Variants in KIAA1217 observed in about 807,000 individuals in gnomAD.
KIAA1217 encodes sickle tail protein homolog.
Under a neutral mutation model 163.9 loss-of-function variants are expected in KIAA1217, and 88 were observed. That is an observed-to-expected ratio of 0.54 (90% CI 0.45 to 0.64). The LOEUF is 0.64. Ranked by LOEUF, KIAA1217 falls within the 30% of genes least tolerant of loss-of-function variation. The pLI is 0.00. For synonymous variants in KIAA1217, 903 were observed against 923.1 expected (o/e 0.98, Z 0.39); for missense variants, 2,372 against 2,475.0 (o/e 0.96, Z 0.88).
At chr10:24,299,546 G>C (rs1340055544) in intron 2 of KIAA1217, among the ~76,000 whole-genome samples, 1 of 152,064 alleles carries the variant, frequency 6.6e-6, no homozygotes, top group Non-Finnish European at 1.5e-5. Context: ...CCATAGGTGT[G>C]CACCACCACG....
chr10:24,178,364 C>T (rs1213623768), intron 2 of KIAA1217, among the ~76,000 whole-genome samples: 2 of 152,248 alleles, frequency 1.3e-5, no homozygotes, highest in Non-Finnish European at 2.9e-5. Flanking sequence ...ATCCCCATTT[C>T]ATGGATGAAG....
chr10:23,919,065 A>G (rs2131286873), intron 1 of KIAA1217, among the ~76,000 whole-genome samples: 1 of 152,242 alleles, frequency 6.6e-6, no homozygotes, highest in South Asian at 2.1e-4. Context: ...GTTGAAAGAA[A>G]TGGAAATGAC....
intron 1 of KIAA1217, among the ~76,000 whole-genome samples, chr10:23,720,638 A>G (rs1272892248): frequency 6.6e-6 from 1 of 152,140 alleles, no homozygotes; most frequent in Non-Finnish European, 1.5e-5. Flanking sequence ...GAATCCAACA[A>G]TTGGTTACTT....
intron 2 of KIAA1217, among the ~76,000 whole-genome samples, chr10:24,101,737 G>A (rs2062425108): frequency 6.6e-6 from 1 of 152,090 alleles, no homozygotes; most frequent in Non-Finnish European, 1.5e-5. Context: ...GTTTAGCCTA[G>A]TATTTTCATT....
At chr10:24,162,723 T>G (rs1337914747) in intron 2 of KIAA1217, among the ~76,000 whole-genome samples, 1 of 152,176 alleles carries the variant, frequency 6.6e-6, no homozygotes, top group Non-Finnish European at 1.5e-5. Flanking sequence ...AGCTGGGTGG[T>G]TCAAGCTCAG....
intron 1 of KIAA1217, among the ~76,000 whole-genome samples, chr10:23,767,076 A>G (rs1834567342): frequency 6.6e-6 from 1 of 152,198 alleles, no homozygotes; most frequent in Non-Finnish European, 1.5e-5. Flanking sequence ...ACAGAGAAAC[A>G]GTGAATTACT....
intron 1 of KIAA1217, among the ~76,000 whole-genome samples, chr10:23,844,073 G>T (rs1838910973): frequency 6.6e-6 from 1 of 152,040 alleles, no homozygotes; most frequent in Non-Finnish European, 1.5e-5. Context: ...GGATAAATGA[G>T]GATTTTACTG....
intron 2 of KIAA1217, among the ~76,000 whole-genome samples, chr10:24,029,753 T>C (rs748029868): frequency 7.9e-5 from 12 of 152,234 alleles, no homozygotes; most frequent in Admixed American, 2.6e-4. Context: ...CCATTTGATC[T>C]CTAGCCTTGC....
intron 17 of KIAA1217, among the ~76,000 whole-genome samples, chr10:24,537,101 C>T (rs537338496): frequency 1.3e-5 from 2 of 152,040 alleles, no homozygotes; most frequent in African/African-American, 4.8e-5. Context: ...CCACAGCATA[C>T]AATAGTATAT....
intron 1 of KIAA1217, among the ~76,000 whole-genome samples, chr10:24,213,348 C>G (rs1216139664): frequency 1.3e-5 from 2 of 152,146 alleles, no homozygotes; most frequent in Non-Finnish European, 2.9e-5. Flanking sequence ...GCTCTGGTTC[C>G]TAAGGTCTTG....
At chr10:24,351,735 G>C (rs1254552697) in intron 2 of KIAA1217, among the ~76,000 whole-genome samples, 1 of 152,154 alleles carries the variant, frequency 6.6e-6, no homozygotes, top group Non-Finnish European at 1.5e-5. Context: ...TATCTGATGG[G>C]GCTGCTGTTG....
intron 6 of KIAA1217, among the ~76,000 whole-genome samples, chr10:24,486,736 C>G (rs2065450265): frequency 6.6e-6 from 1 of 152,240 alleles, no homozygotes; most frequent in African/African-American, 2.4e-5. Flanking sequence ...CAGTGAAGCC[C>G]TGTCTGCTCA....
chr10:24,465,126 C>T (rs569194414), intron 5 of KIAA1217, among the ~76,000 whole-genome samples: 1 of 152,186 alleles, frequency 6.6e-6, no homozygotes, highest in Non-Finnish European at 1.5e-5. Context: ...CTAATGTATA[C>T]CAGATTCATC....
chr10:23,972,809 G>C (rs1845372716), intron 1 of KIAA1217, among the ~76,000 whole-genome samples: 1 of 152,100 alleles, frequency 6.6e-6, no homozygotes, highest in Non-Finnish European at 1.5e-5. Context: ...CCTTTGCAGG[G>C]ACATGGATGA....
At chr10:24,260,930 G>C (rs765530111) in intron 2 of KIAA1217, among the ~76,000 whole-genome samples, 4 of 152,086 alleles carry the variant, frequency 2.6e-5, no homozygotes, top group Non-Finnish European at 4.4e-5. Flanking sequence ...TTATAGGACT[G>C]TCATGAGGAA....
At chr10:23,749,080 T>C (rs902677607) in intron 1 of KIAA1217, among the ~76,000 whole-genome samples, 1 of 152,142 alleles carries the variant, frequency 6.6e-6, no homozygotes, top group Non-Finnish European at 1.5e-5. Context: ...AAGTGGACAA[T>C]TAGTGTTCAT....
At chr10:24,497,743 G>A (rs375205919) in intron 8 of KIAA1217, among the ~76,000 whole-genome samples, 9 of 148,486 alleles carry the variant, frequency 6.1e-5, no homozygotes, top group African/African-American at 2.0e-4. Flanking sequence ...AAAAGTGACA[G>A]CCTGACTGGC....
At chr10:24,351,977 A>G (rs953564757) in intron 2 of KIAA1217, among the ~76,000 whole-genome samples, 3 of 152,226 alleles carry the variant, frequency 2.0e-5, no homozygotes. Context: ...GACTCTACAT[A>G]TGCCGGTGTC....
rs556497272 is a variant in KIAA1217, at chr10:23,764,830, G to A, written c.-321+69596G>A. Among the ~76,000 whole-genome samples the A allele has an allele frequency of 3.5e-4, 53 of 152,094 alleles. No individual in the cohort carries two copies. The South Asian group carries it at 0.01, about 29-fold the overall frequency. On this transcript the variant is annotated intron_variant, in intron 1 of 18. Transcript: ENST00000376462. ...CTGAGGGGTGGGAACTTGGAGGATG[G>A]GTCAATAGGTGCAGCAAACCACCAT...
Sources: allele counts gnomAD v4.1 joint callset (sites outside exome capture counted in the v4.1 genomes callset), GRCh38; gene constraint gnomAD v4.1.1; transcripts MANE v1.5; gene names NCBI Gene and HGNC (gene_info 2026-07-23, HGNC 2026-07-21).